Variants in ZNF536 observed in about 807,000 individuals in gnomAD.
ZNF536 encodes zinc finger protein 536.
Under a neutral mutation model 84.5 loss-of-function variants are expected in ZNF536, and 13 were observed. The ratio of observed to expected loss-of-function variants is 0.15; its 90% CI spans 0.10 to 0.24. The LOEUF (loss-of-function observed/expected upper bound fraction) is 0.24. Among genes scored for constraint, ZNF536 ranks in the 10% least tolerant of loss-of-function variants. The probability of loss-of-function intolerance (pLI) is 1.00; values close to 1 mark genes in which losing one functional copy is unlikely to be tolerated. For synonymous variants in ZNF536, 811 were observed against 742.5 expected (o/e 1.09, Z -1.50); for missense variants, 1,536 against 1,747.5 (o/e 0.88, Z 2.16).
intron 1 of ZNF536, among the ~76,000 whole-genome samples, chr19:30,388,011 C>T (rs924297607): frequency 6.6e-6 from 1 of 152,174 alleles, no homozygotes; most frequent in African/African-American, 2.4e-5. Context: ...TAGAGGTCTT[C>T]TTCCTGCTTC....
intron 1 of ZNF536, among the ~76,000 whole-genome samples, chr19:30,431,828 G>A (rs1444339269): frequency 6.6e-6 from 1 of 152,148 alleles, no homozygotes; most frequent in African/African-American, 2.4e-5. Context: ...AGCCAAGGCG[G>A]GTTAATAGGG....
intron 2 of ZNF536, among the ~76,000 whole-genome samples, chr19:30,345,682 CATTGAAGGCAGAG>C (rs2047718299): frequency 6.6e-6 from 1 of 152,192 alleles, no homozygotes; most frequent in Non-Finnish European, 1.5e-5. Flanking sequence ...ATGACCAGGT[CATTGAAGGCAGAG>C]AGTCTCGGAT....
At chr19:30,636,118 G>A (rs936867536) in intron 1 of ZNF536, among the ~76,000 whole-genome samples, 2 of 152,184 alleles carry the variant, frequency 1.3e-5, no homozygotes, top group Non-Finnish European at 2.9e-5. Flanking sequence ...GTGGGGCCCG[G>A]GTGTGGCGTG....
intron 1 of ZNF536, among the ~76,000 whole-genome samples, chr19:30,258,180 T>C (rs1451177696): frequency 6.6e-6 from 1 of 152,218 alleles, no homozygotes; most frequent in Non-Finnish European, 1.5e-5. Flanking sequence ...GGAGACGTCA[T>C]TGGTGGCTGC....
At chr19:30,557,023 C>T (rs540724562) in intron 4 of ZNF536, 134 bp from the exon 5 acceptor site, 1 of 1,063,964 alleles carries the variant, frequency 9.4e-7, no homozygotes, top group Non-Finnish European at 1.4e-6. Context: ...ACAGAAGGAC[C>T]AAATTTTATA....
chr19:30,617,366 T>TTTTTA (rs869281886), intron 1 of ZNF536, among the ~76,000 whole-genome samples: 16 of 115,980 alleles, frequency 1.4e-4, no homozygotes, highest in Non-Finnish European at 2.5e-4. Context: ...TTTTTTTTTT[T>TTTTTA]ATGAGATGGA....
At chr19:30,261,320 A>AAAAG (rs2025207852) in intron 1 of ZNF536, among the ~76,000 whole-genome samples, 4 of 150,606 alleles carry the variant, frequency 2.7e-5, no homozygotes, top group African/African-American at 9.7e-5. Flanking sequence ...AAAAAAAAAA[A>AAAAG]AAGAAAAATA....
Position 30,548,687 on chromosome 19 carries a change from A to C in ZNF536, c.3068A>C (p.Asn1023Thr). The change falls in exon 4 of 5, where the codon AAC (asparagine) becomes ACC (threonine). Residue 1023 changes from asparagine to threonine, a missense_variant. Physicochemically the swap from Asn to Thr is moderately conservative, Grantham distance 65. Transcript: ENST00000355537. ...MELMALHLQA[N>T]HLGKAKRKDN... is the part of the protein sequence containing the mutation. Reference sequence around the variant, plus strand: ...CTCATGGCCCTTCATCTCCAGGCCAACCACCTGGGCAAAGCGAAACGCAAA... The same window carrying C: ...CTCATGGCCCTTCATCTCCAGGCCACCCACCTGGGCAAAGCGAAACGCAAA... The C allele has an allele frequency of 6.2e-7, 1 of 1,614,018 alleles. No individual in the cohort carries two copies. The highest frequency in any genetic ancestry group is 8.5e-7 in the Non-Finnish European group (1 of 1,180,024).
intron 1 of ZNF536, among the ~76,000 whole-genome samples, chr19:30,650,696 C>G (rs1012177203): frequency 6.6e-6 from 1 of 152,168 alleles, no homozygotes; most frequent in Admixed American, 6.5e-5. Context: ...TTAAAAAATA[C>G]TGAACTGGGT....
intron 1 of ZNF536, among the ~76,000 whole-genome samples, chr19:30,251,667 T>C (rs563570031): frequency 6.6e-6 from 1 of 152,352 alleles, no homozygotes. Context: ...TGTGAGATTT[T>C]GGTGCGCCCA....
chr19:30,347,887 G>A (rs1183535556), intron 2 of ZNF536, among the ~76,000 whole-genome samples: 1 of 152,182 alleles, frequency 6.6e-6, no homozygotes, highest in African/African-American at 2.4e-5. Flanking sequence ...ACAAAGATGG[G>A]TGACCAAACC....
At chr19:30,534,042 A>T (rs890678246) in intron 2 of ZNF536, among the ~76,000 whole-genome samples, 1 of 152,250 alleles carries the variant, frequency 6.6e-6, no homozygotes, top group African/African-American at 2.4e-5. Flanking sequence ...GAAGGCAGCC[A>T]TATGTAAATT....
At chr19:30,698,039 C>G (rs2051736614) in intron 1 of ZNF536, among the ~76,000 whole-genome samples, 1 of 152,230 alleles carries the variant, frequency 6.6e-6, no homozygotes. Flanking sequence ...CGCCTGTAAT[C>G]CCAGCACTGT....
At chr19:30,456,604 C>T (rs982549284) in intron 2 of ZNF536, among the ~76,000 whole-genome samples, 1 of 152,164 alleles carries the variant, frequency 6.6e-6, no homozygotes, top group Admixed American at 6.5e-5. Flanking sequence ...CCTATCACCA[C>T]GCCACTCTGT....
chr19:30,647,200 A>G (rs972587554), intron 1 of ZNF536, among the ~76,000 whole-genome samples: 1 of 152,198 alleles, frequency 6.6e-6, no homozygotes, highest in Non-Finnish European at 1.5e-5. Flanking sequence ...TAATTAAATC[A>G]TAACTTTCCC....
intron 1 of ZNF536, among the ~76,000 whole-genome samples, chr19:30,620,495 T>G (rs2048445324): frequency 6.6e-6 from 1 of 152,118 alleles, no homozygotes; most frequent in Non-Finnish European, 1.5e-5. Context: ...GGAATGGAAG[T>G]CCTGCAGGTT....
intron 1 of ZNF536, among the ~76,000 whole-genome samples, chr19:30,243,596 C>T (rs1250985873): frequency 2.6e-5 from 4 of 152,108 alleles, no homozygotes; most frequent in Admixed American, 2.0e-4. Context: ...CAAATGATAA[C>T]GCTAATGAAA....
At chr19:30,713,055 C>T (rs918429024) in exon 2 of ZNF536, 2 of 151,750 alleles carry the variant, frequency 1.3e-5, no homozygotes, top group Non-Finnish European at 2.9e-5. Context: ...TTTTTTGTGT[C>T]TTTTCAGCAT....
Position 30,508,235 on chromosome 19 carries a change from G to A in ZNF536, c.2171-26612G>A, listed in dbSNP as rs113243725. ...GACCCCAGGCTTGCAGGGGCTTATGGGAAAAAGGGCTATGAGAGGTAGAAA... is the reference window on the plus strand; with the variant it reads ...GACCCCAGGCTTGCAGGGGCTTATGAGAAAAAGGGCTATGAGAGGTAGAAA... On this transcript the variant is annotated intron_variant, in intron 2 of 4. Transcript: ENST00000355537. Among the ~76,000 whole-genome samples, 337 of 152,318 alleles carry A rather than the reference G, an allele frequency of 2.2e-3. 2 individuals carry two copies. The highest frequency in any genetic ancestry group is 7.5e-3 in the African/African-American group (313 of 41,574).
Sources: allele counts gnomAD v4.1 joint callset (sites outside exome capture counted in the v4.1 genomes callset), GRCh38; gene constraint gnomAD v4.1.1; transcripts MANE v1.5; gene names NCBI Gene and HGNC (gene_info 2026-07-23, HGNC 2026-07-21).